The following PAM variants were observed in gnomAD, a reference collection of about 807,000 sequenced individuals.
PAM encodes the protein peptidyl-glycine alpha-amidating monooxygenase.
In PAM, 72 loss-of-function variants were observed where a neutral mutation model predicts 122.1. That is an observed-to-expected ratio of 0.59 (90% CI 0.49 to 0.72). The LOEUF (loss-of-function observed/expected upper bound fraction) is 0.72. Ranked by LOEUF, PAM falls within the 30% of genes least tolerant of loss-of-function variation. The pLI is 0.00. For synonymous variants in PAM, 389 were observed against 404.4 expected (o/e 0.96, Z 0.46); for missense variants, 1,106 against 1,183.7 (o/e 0.93, Z 0.96).
intron 1 of PAM, chr5:102,864,560 C>T (rs1785013587): frequency 6.6e-6 from 1 of 152,104 alleles, no homozygotes; most frequent in Admixed American, 6.6e-5. Context: ...AATCTCACTT[C>T]ATTTAAGGTT....
At chr5:102,755,745 C>T (rs1286152842) in intron 1 of PAM, among the ~76,000 whole-genome samples, 1 of 151,962 alleles carries the variant, frequency 6.6e-6, no homozygotes, top group African/African-American at 2.4e-5. Flanking sequence ...GGAGAACTCT[C>T]CGTGACGCCT....
At chr5:103,016,114 T>G (rs1216557348) in intron 21 of PAM, among the ~76,000 whole-genome samples, 2 of 152,174 alleles carry the variant, frequency 1.3e-5, no homozygotes, top group Non-Finnish European at 2.9e-5. Flanking sequence ...GGCAGCATTT[T>G]GATTTCTGGC....
chr5:102,950,416 G>GGTGTGTGGGTGTGTGTGTGT (rs1554134182), intron 11 of PAM, among the ~76,000 whole-genome samples: 3 of 146,062 alleles, frequency 2.1e-5, no homozygotes, highest in African/African-American at 7.7e-5. Flanking sequence ...TATGTGGGTG[G>GGTGTGTGGGTGTGTGTGTGT]GTGTGTGTGT....
intron 1 of PAM, among the ~76,000 whole-genome samples, chr5:102,796,571 G>A (rs1158584258): frequency 6.6e-6 from 1 of 152,088 alleles, no homozygotes; most frequent in Non-Finnish European, 1.5e-5. Flanking sequence ...ACCACAGTCA[G>A]CCAAATAAGA....
intron 1 of PAM, among the ~76,000 whole-genome samples, chr5:102,765,360 G>A (rs1162214232): frequency 6.6e-6 from 1 of 152,176 alleles, no homozygotes; most frequent in East Asian, 1.9e-4. Context: ...TGAAGAAAAA[G>A]TGAAATAAAA....
Position 102,779,918 on chromosome 5 carries a change from T to TATATATATATATACACACACAC in PAM, c.-374+24571_-374+24572insTATATATATATACACACACACA, listed in dbSNP as rs147065045. On this transcript the variant is annotated intron_variant, in intron 1 of 25. Coordinates refer to ENST00000438793, the MANE Select transcript of PAM (RefSeq NM_001177306.2). ...ATATATATATATATATATATATATA[T>TATATATATATATACACACACAC]ACACACATATATATATGTATATATC... is the stretch of plus-strand genomic sequence containing the variant. Among the ~76,000 whole-genome samples the TATATATATATATACACACACAC allele has an allele frequency of 3.1e-3, 298 of 95,480 alleles. 3 individuals carry two copies. The highest frequency in any genetic ancestry group is 9.9e-3 in the African/African-American group (218 of 21,952). 62.6% of individuals were successfully genotyped at this position (95,480 alleles called of 152,430 possible). A position where few individuals can be genotyped will look rare whatever the true frequency, so the allele number is the denominator to read the frequency against.
In PAM at chr5:102,924,975, C is replaced by A; in HGVS notation, c.375C>A (p.Thr125=). Reference sequence around the variant, plus strand: ...TCTTCAGGTTTTGTGATGAAGGAACCTGTACAGATAAAGCCAATATTCTGT... The same window carrying A: ...TCTTCAGGTTTTGTGATGAAGGAACATGTACAGATAAAGCCAATATTCTGT... ...TGSYWFCDEG[T]CTDKANILYA... is the part of the protein sequence containing the mutation. Residue 125 remains threonine, a synonymous_variant, in exon 6 of 26, where the codon ACC becomes ACA. Coordinates refer to ENST00000438793, the MANE Select transcript of PAM (RefSeq NM_001177306.2). The A allele has an allele frequency of 6.4e-7, 1 of 1,559,006 alleles. No homozygotes were observed. The highest frequency in any genetic ancestry group is 8.9e-7 in the Non-Finnish European group (1 of 1,129,744).
chr5:102,761,208 G>C (rs1486195072), intron 1 of PAM, among the ~76,000 whole-genome samples: 6 of 152,294 alleles, frequency 3.9e-5, no homozygotes, highest in African/African-American at 1.4e-4. Context: ...CTTCAAGAAA[G>C]GAGGGAACTG....
intron 1 of PAM, among the ~76,000 whole-genome samples, chr5:102,804,094 G>T (rs1267738105): frequency 1.3e-5 from 2 of 152,144 alleles, no homozygotes; most frequent in Non-Finnish European, 2.9e-5. Flanking sequence ...AAGAGCACAG[G>T]CCTGGAGGAG....
chr5:102,833,391 G>A (rs1032574501), intron 1 of PAM, among the ~76,000 whole-genome samples: 1 of 152,128 alleles, frequency 6.6e-6, no homozygotes, highest in Non-Finnish European at 1.5e-5. Context: ...CCTTCAAGGG[G>A]CTTTTTTGTA....
At chr5:102,939,498 G>C (rs1203808242) in intron 7 of PAM, among the ~76,000 whole-genome samples, 1 of 152,038 alleles carries the variant, frequency 6.6e-6, no homozygotes, top group African/African-American at 2.4e-5. Flanking sequence ...TTGTCTTATA[G>C]TATAAAGTCT....
chr5:102,962,072 T>C (rs1002128093), intron 14 of PAM, among the ~76,000 whole-genome samples: 1 of 151,934 alleles, frequency 6.6e-6, no homozygotes, highest in Non-Finnish European at 1.5e-5. Context: ...CTAGCTGCTA[T>C]TGGAATTCTT....
At chr5:102,796,969 T>A (rs1273730907) in intron 1 of PAM, among the ~76,000 whole-genome samples, 1 of 152,216 alleles carries the variant, frequency 6.6e-6, no homozygotes, top group Admixed American at 6.5e-5. Flanking sequence ...AGAATAATGA[T>A]AGAGAGCCAT....
chr5:102,756,984 A>G (rs1750588422), intron 1 of PAM, among the ~76,000 whole-genome samples: 2 of 152,188 alleles, frequency 1.3e-5, no homozygotes, highest in African/African-American at 4.8e-5. Flanking sequence ...TCTAATGACT[A>G]TACATGGCAA....
At position 102,950,816 on chromosome 5, in the gene PAM, A is replaced by G; in HGVS notation, c.901A>G (p.Ile301Val). 6.4e-7 allele frequency: 1 copy of G among 1,562,116 alleles called. No homozygotes were observed. Among genetic ancestry groups the G allele is most frequent in the South Asian group, 1.1e-5 (1 of 89,944 alleles). The stretch of plus-strand genomic sequence containing the variant: ...TGAAGGAAGGACAGAAGCCACACAC[A>G]TTGGGTATGATTCTATACATTCCAC... The part of the protein sequence containing the change: ...TGEGRTEATH[I>V]GGTSSDEMCN... Residue 301 changes from isoleucine to valine, a missense_variant, in exon 12 of 26, where the codon ATT (isoleucine) becomes GTT (valine). By Grantham distance (29) the Ile-to-Val change is conservative. This residue lies in a region of PAM where 670 missense variants were observed against 690.3 expected (regional missense o/e 0.97). Transcript: ENST00000438793.
intron 1 of PAM, among the ~76,000 whole-genome samples, chr5:102,864,182 A>ATT (rs200858151): frequency 1.3e-4 from 18 of 137,602 alleles, no homozygotes; most frequent in African/African-American, 4.4e-4. Context: ...ATATATATAT[A>ATT]TATTTTTTTT....
chr5:102,969,597 T>G (rs1765215530), intron 14 of PAM, among the ~76,000 whole-genome samples: 2 of 152,184 alleles, frequency 1.3e-5, no homozygotes, highest in Non-Finnish European at 2.9e-5. Flanking sequence ...GACCTTGTGA[T>G]TCACTGGTTA....
At chr5:102,927,486 T>A (rs980289842) in intron 7 of PAM, among the ~76,000 whole-genome samples, 2 of 152,166 alleles carry the variant, frequency 1.3e-5, no homozygotes, top group Middle Eastern at 3.2e-3. Context: ...ACAGTATATT[T>A]CTAAGTAACC....
chr5:102,762,941 G>A lies in PAM; in HGVS notation c.-374+7593G>A, dbSNP rs115443302. ...AATTTTTATAATAGAAAATGCCAAGGAGAGGAAAGTTTTAATGGTTTCTCT... is the reference window on the plus strand; with the variant it reads ...AATTTTTATAATAGAAAATGCCAAGAAGAGGAAAGTTTTAATGGTTTCTCT... On this transcript the variant is annotated intron_variant, in intron 1 of 25. Transcript: ENST00000438793. Among the ~76,000 whole-genome samples the A allele has an allele frequency of 6.9e-3, 1,049 of 152,298 alleles. 9 individuals are homozygous for A. Among genetic ancestry groups the A allele is most frequent in the Non-Finnish European group, 0.013 (880 of 68,016 alleles).
Sources: allele counts gnomAD v4.1 joint callset (sites outside exome capture counted in the v4.1 genomes callset), GRCh38; gene constraint gnomAD v4.1.1; regional missense constraint gnomAD v4.1.1; transcripts MANE v1.5; gene names NCBI Gene and HGNC (gene_info 2026-07-23, HGNC 2026-07-21).